Variants in SPRY3 observed in about 807,000 individuals in gnomAD.
SPRY3 encodes the protein protein sprouty homolog 3.
Under a neutral mutation model 20.2 loss-of-function variants are expected in SPRY3, and 15 were observed. The ratio of observed to expected loss-of-function variants is 0.74; its 90% confidence interval spans 0.50 to 1.14. The LOEUF (loss-of-function observed/expected upper bound fraction) is 1.14. Ranked by LOEUF, SPRY3 falls within the 50% of genes most tolerant of loss-of-function variation. The pLI, the probability that SPRY3 is intolerant of heterozygous loss-of-function variation, is 0.00. For missense variants in SPRY3, 364 were observed against 363.9 expected (o/e 1.00, Z 0.00); for synonymous variants, 143 against 136.5 (o/e 1.05, Z -0.33).
At chrX:155,736,120 C>T (rs570710350) in intron 2 of SPRY3, among the ~76,000 whole-genome samples, 354 of 152,040 alleles carry the variant, frequency 2.3e-3, no homozygotes, top group African/African-American at 8.2e-3. Flanking sequence ...CTCTCCTATC[C>T]CTTAAACATT....
intron 2 of SPRY3, among the ~76,000 whole-genome samples, chrX:155,670,566 C>T (rs905370191): frequency 5.4e-5 from 6 of 111,906 alleles, no homozygotes; most frequent in Admixed American, 9.5e-5. Context: ...ATCTTAGCTT[C>T]GAAATTGTCT....
At chrX:155,754,470 A>C (rs968967143) in intron 2 of SPRY3, among the ~76,000 whole-genome samples, 7 of 152,052 alleles carry the variant, frequency 4.6e-5, no homozygotes, top group Non-Finnish European at 8.8e-5. Flanking sequence ...TTATTCCAGT[A>C]CTATACCATC....
chrX:155,630,330 C>T (rs1247658130), intron 1 of SPRY3, among the ~76,000 whole-genome samples: 6 of 111,915 alleles, frequency 5.4e-5, no homozygotes. Flanking sequence ...TTCATACTTT[C>T]AAATGTTTTC....
exon 2 of SPRY3, chrX:155,782,350 T>C (rs1052867053): frequency 3.0e-5 from 5 of 166,992 alleles, no homozygotes; most frequent in Admixed American, 6.6e-5. Flanking sequence ...AATCCCATCG[T>C]ATCCATCCTG....
chrX:155,735,413 A>G (rs2091161731), intron 2 of SPRY3, among the ~76,000 whole-genome samples: 1 of 151,940 alleles, frequency 6.6e-6, no homozygotes, highest in Non-Finnish European at 1.5e-5. Flanking sequence ...TTTTTGAGAG[A>G]AGGATGTTGA....
intron 2 of SPRY3, among the ~76,000 whole-genome samples, chrX:155,669,587 G>A (rs2124558359): frequency 9.0e-6 from 1 of 111,310 alleles, no homozygotes; most frequent in South Asian, 3.7e-4. Flanking sequence ...ATTGAATCAA[G>A]TGATGTATTA....
At chrX:155,669,963 A>G (rs1342987730) in intron 2 of SPRY3, 1 of 111,296 alleles carries the variant, frequency 9.0e-6, no homozygotes, top group Non-Finnish European at 1.9e-5. Flanking sequence ...TAAGAACAAC[A>G]CCAAAACGAA....
intron 2 of SPRY3, among the ~76,000 whole-genome samples, chrX:155,739,828 C>A (rs2091193965): frequency 6.6e-6 from 1 of 152,122 alleles, no homozygotes; most frequent in Non-Finnish European, 1.5e-5. Flanking sequence ...CCAGCAACCT[C>A]AAAGATTGAA....
rs768600867 is a variant in SPRY3, at chrX:155,771,870, T to G, written c.-106-1896T>G. On this transcript the variant is annotated intron_variant, in intron 3 of 3. Transcript: ENST00000675360. ...ATTGCCCACCTTACCCTCAAGGACT[T>G]GAAGATGTAGAAGATACGGATGAAA... is the stretch of plus-strand genomic sequence containing the variant. Among the ~76,000 whole-genome samples, 7 of 152,236 alleles carry G rather than the reference T, an allele frequency of 4.6e-5. No individual in the cohort carries two copies. In the South Asian group the frequency reaches 1.5e-3, roughly 32 times the overall value.
intron 2 of SPRY3, among the ~76,000 whole-genome samples, chrX:155,724,868 G>A (rs1414064396): frequency 6.6e-6 from 1 of 152,164 alleles, no homozygotes; most frequent in Non-Finnish European, 1.5e-5. Context: ...GAGTAGGAGT[G>A]GTGAGAGAGG....
chrX:155,726,900 A>G (rs1183258856), intron 2 of SPRY3, among the ~76,000 whole-genome samples: 1 of 152,158 alleles, frequency 6.6e-6, no homozygotes. Flanking sequence ...TAGTTGATGC[A>G]GTTTCTTCAT....
intron 1 of SPRY3, among the ~76,000 whole-genome samples, chrX:155,614,991 A>G (rs898984047): frequency 9.0e-6 from 1 of 110,774 alleles, no homozygotes; most frequent in African/African-American, 3.3e-5. Flanking sequence ...CTGCTCATGC[A>G]TTTGTCCCTC....
At chrX:155,763,031 A>G (rs1442731234) in intron 2 of SPRY3, among the ~76,000 whole-genome samples, 1 of 152,160 alleles carries the variant, frequency 6.6e-6, no homozygotes, top group Non-Finnish European at 1.5e-5. Flanking sequence ...CTATGCAGCC[A>G]CAAAAAAGAA....
At chrX:155,662,510 TC>T (rs1415574595) in intron 2 of SPRY3, among the ~76,000 whole-genome samples, 1 of 109,799 alleles carries the variant, frequency 9.1e-6, no homozygotes, top group Non-Finnish European at 1.9e-5. Context: ...CAGCTTTACT[TC>T]CAGGCCAGTA....
intron 2 of SPRY3, among the ~76,000 whole-genome samples, chrX:155,697,499 A>G (rs1394899148): frequency 1.3e-5 from 1 of 79,374 alleles, no homozygotes; most frequent in Non-Finnish European, 2.2e-5. Context: ...TATTATACAC[A>G]TACACACACA....
At chrX:155,688,806 C>A (rs1176814794) in intron 2 of SPRY3, among the ~76,000 whole-genome samples, 1 of 87,384 alleles carries the variant, frequency 1.1e-5, no homozygotes, top group Non-Finnish European at 2.1e-5. Context: ...AGCTCTTTTC[C>A]CTAATGCTCT....
At chrX:155,777,636 T>TATATATATATATATAA (rs200220897), downstream of SPRY3, 1 of 70,360 alleles carries the variant, frequency 1.4e-5, no homozygotes, top group Non-Finnish European at 2.6e-5. Flanking sequence ...CTTCTGTGAT[T>TATATATATATATATAA]ATATATATTC....
At chrX:155,700,209 G>T (rs2068132160) in intron 2 of SPRY3, among the ~76,000 whole-genome samples, 1 of 109,898 alleles carries the variant, frequency 9.1e-6, no homozygotes, top group African/African-American at 3.3e-5. Flanking sequence ...AACATCATTA[G>T]TCAATGGAGA....
chrX:155,632,553 A>G (rs2067910105), intron 1 of SPRY3, among the ~76,000 whole-genome samples: 1 of 111,260 alleles, frequency 9.0e-6, no homozygotes, highest in South Asian at 3.8e-4. Flanking sequence ...TAAATGGCTC[A>G]TCTCTATTCC....
Sources: allele counts gnomAD v4.1 joint callset (sites outside exome capture counted in the v4.1 genomes callset), GRCh38; gene constraint gnomAD v4.1.1; transcripts MANE v1.5; gene names NCBI Gene and HGNC (gene_info 2026-07-23, HGNC 2026-07-21).